Variants in GFPT2 observed in about 807,000 individuals in gnomAD.
GFPT2 encodes the protein glutamine--fructose-6-phosphate aminotransferase [isomerizing] 2.
A neutral mutation model predicts 85.6 loss-of-function variants in GFPT2; 62 were observed. That is an observed-to-expected ratio of 0.72 (90% CI 0.59 to 0.90). The LOEUF (loss-of-function observed/expected upper bound fraction) is 0.90. Among genes scored for constraint, GFPT2 ranks in the 40% least tolerant of loss-of-function variants. GFPT2 has a pLI of 0.00. For missense variants in GFPT2, 788 were observed against 893.4 expected (o/e 0.88, Z 1.50); for synonymous variants, 368 against 344.5 (o/e 1.07, Z -0.75).
chr5:180,306,726 C>T (rs903548248), intron 16 of GFPT2, among the ~76,000 whole-genome samples: 1 of 152,182 alleles, frequency 6.6e-6, no homozygotes, highest in African/African-American at 2.4e-5. Context: ...TGGAAAAAAG[C>T]GAAGGCCCCA....
rs1284983675 is a variant in GFPT2 at position 180,330,862 on chromosome 5, G to C, written c.400-28C>G. ...GGAATATGCAGTCGGCACAGTGTGA[G>C]AGATTGGTCATTGCACAATGCCTGC... On this transcript the variant is annotated intron_variant, in intron 5 of 18. Coordinates refer to ENST00000253778, the MANE Select transcript of GFPT2 (RefSeq NM_005110.4). The surrounding 1 kb of genome is among the most constrained non-coding windows in gnomAD (Gnocchi z 4.4). 6.2e-7 allele frequency: 1 copy of C among 1,611,146 alleles called. No homozygotes were observed. Among genetic ancestry groups the C allele is most frequent in the Admixed American group, 1.7e-5 (1 of 59,918 alleles).
At position 180,313,874 on chromosome 5, in the gene GFPT2, A is replaced by T. The variant is rs1314357606; in HGVS notation, c.1364T>A (p.Ile455Asn). 1 of 1,605,656 alleles carries T rather than the reference A, an allele frequency of 6.2e-7. No individual in the cohort carries two copies. Among genetic ancestry groups the T allele is most frequent in the African/African-American group, 1.3e-5 (1 of 74,892 alleles). ...GACGCCGCAGTCGGTCTCGCGAGAG[A>T]TGGAGCTGCCCACGGTGTTGGTGAC... ...VGVTNTVGSS[I>N]SRETDCGVHI... The change falls in exon 14 of 19, where the codon ATC (isoleucine) becomes AAC (asparagine). Residue 455 changes from isoleucine (I) to asparagine (N), a missense_variant. Coordinates refer to ENST00000253778, the MANE Select transcript of GFPT2 (RefSeq NM_005110.4).
At chr5:180,309,162 G>A (rs180926656) in intron 15 of GFPT2, among the ~76,000 whole-genome samples, 2 of 151,818 alleles carry the variant, frequency 1.3e-5, no homozygotes, top group East Asian at 3.9e-4. Context: ...ATCAGCCACC[G>A]TGCCCGGCCC....
rs867798294 is a variant in GFPT2 at position 180,312,121 on chromosome 5, G to A, written c.1546+309C>T. ...AGGCTGAGGACCAGGGAGGCAGGGA[G>A]GCGGGGAGGCTGAGGACCAGGGAGG... On this transcript the variant is annotated intron_variant, in intron 15 of 18. Coordinates refer to ENST00000253778, the MANE Select transcript of GFPT2 (RefSeq NM_005110.4). Among the ~76,000 whole-genome samples the A allele has an allele frequency of 1.5e-3, 178 of 115,494 alleles. 28 individuals carry two copies. The highest frequency in any genetic ancestry group is 9.0e-3 in the Middle Eastern group (2 of 222). 75.8% of individuals were successfully genotyped at this position (115,494 alleles called of 152,430 possible).
intron 7 of GFPT2, among the ~76,000 whole-genome samples, chr5:180,327,975 T>G: frequency 6.6e-6 from 1 of 152,196 alleles, no homozygotes; most frequent in East Asian, 1.9e-4. Context: ...AAAACCTGGA[T>G]CTGCCCTGTC....
Position 180,328,293 on chromosome 5 carries a change from C to T in GFPT2, c.580G>A (p.Glu194Lys), listed in dbSNP as rs1190744178. Residue 194 changes from glutamate to lysine, a missense_variant, in exon 7 of 19, where the codon GAA becomes AAA. Physicochemically the swap from Glu to Lys is moderately conservative, Grantham distance 56 (BLOSUM62 1). Coordinates refer to ENST00000253778, the MANE Select transcript of GFPT2 (RefSeq NM_005110.4). The surrounding 1 kb of genome is among the most constrained non-coding windows in gnomAD (Gnocchi z 5.4). ...TTGCCTCACCGTGTGGCAACGGCTT[C>T]TCCTGGGTAGTGGACACTCTTGAAA... The part of the protein sequence containing the change: ...LVFKSVHYPG[E>K]AVATRRGSPL... 1 of 1,612,828 alleles carries T rather than the reference C, an allele frequency of 6.2e-7. No homozygotes were observed. The highest frequency in any genetic ancestry group is 8.5e-7 in the Non-Finnish European group (1 of 1,178,814).
At position 180,328,239 on chromosome 5, in the gene GFPT2, T is replaced by C. The variant is rs752720577; in HGVS notation, c.596+38A>G. On this transcript the variant is annotated intron_variant, in intron 7 of 18. Coordinates refer to ENST00000253778, the MANE Select transcript of GFPT2 (RefSeq NM_005110.4). The surrounding 1 kb of genome is among the most constrained non-coding windows in gnomAD (Gnocchi z 5.4). ...CTCCAGCTAAGTGATTTTATTTTCG[T>C]TCTTTCTTATGGGAAATGCCAGTGT... 4 of 1,502,916 alleles carry C rather than the reference T, an allele frequency of 2.7e-6. No individual in the cohort carries two copies. Among genetic ancestry groups the C allele is most frequent in the Non-Finnish European group, 3.7e-6 (4 of 1,078,396 alleles). 93.1% of individuals were successfully genotyped at this position (1,502,916 alleles called of 1,614,324 possible).
chr5:180,330,635 T>G lies in GFPT2; in HGVS notation c.534+65A>C. On this transcript the variant is annotated intron_variant, in intron 6 of 18. Transcript: ENST00000253778. The surrounding 1 kb of genome is among the most constrained non-coding windows in gnomAD (Gnocchi z 4.4). ...TGAAGGATTCCTTGGCACTTGCTGC[T>G]TGAAAAAAATGTTTTTAATGAAAGA... 2.2e-6 allele frequency: 3 copies of G among 1,391,020 alleles called. No homozygotes were observed. The highest frequency in any genetic ancestry group is 3.0e-6 in the Non-Finnish European group (3 of 988,850). 86.2% of individuals were successfully genotyped at this position (1,391,020 alleles called of 1,614,324 possible).
In GFPT2 at chr5:180,318,250, G is replaced by A. The variant is rs1012564232; in HGVS notation, c.958+543C>T. Among the ~76,000 whole-genome samples the A allele has an allele frequency of 3.9e-5, 6 of 152,274 alleles. No homozygotes were observed. The highest frequency in any genetic ancestry group is 1.4e-4 in the African/African-American group (6 of 41,560). On this transcript the variant is annotated intron_variant, in intron 10 of 18. Coordinates refer to ENST00000253778, the MANE Select transcript of GFPT2 (RefSeq NM_005110.4). This position sits in a 1 kb window ranked among gnomAD's most constrained non-coding sequence, Gnocchi z 4.2. ...CACTGGGGTGTGGGGTTTGTGGGCT[G>A]TGGCAGGGAGTTTGGATTTTATTCT...
intron 1 of GFPT2, among the ~76,000 whole-genome samples, chr5:180,341,435 G>T (rs898446683): frequency 6.6e-6 from 1 of 152,154 alleles, no homozygotes; most frequent in Non-Finnish European, 1.5e-5. Context: ...TCAATGAAAT[G>T]AATGTTATAT....
intron 9 of GFPT2, among the ~76,000 whole-genome samples, chr5:180,321,979 G>A (rs930670009): frequency 2.6e-5 from 4 of 151,534 alleles, no homozygotes; most frequent in African/African-American, 7.3e-5. Context: ...AGTAGAAACC[G>A]GGTTTCACCG....
Position 180,316,750 on chromosome 5 carries a change from T to G in GFPT2, c.1152+14A>C. ...ACTGCCGTCGACTTCCCCACGCACA[T>G]GTGTCACACTTACAGCCACGGCAGC... is the stretch of plus-strand genomic sequence containing the variant. On this transcript the variant is annotated intron_variant, in intron 12 of 18. Transcript: ENST00000253778. 1.3e-6 allele frequency: 2 copies of G among 1,576,246 alleles called. No individual in the cohort carries two copies. Among genetic ancestry groups the G allele is most frequent in the Middle Eastern group, 1.7e-4 (1 of 5,950 alleles).
intron 15 of GFPT2, among the ~76,000 whole-genome samples, chr5:180,310,735 T>C (rs1440906254): frequency 7.1e-6 from 1 of 141,274 alleles, no homozygotes; most frequent in African/African-American, 2.6e-5. Flanking sequence ...TAAGGGAAAC[T>C]GGGTGTGTGC....
intron 1 of GFPT2, among the ~76,000 whole-genome samples, chr5:180,350,570 C>A (rs889239436): frequency 6.6e-6 from 1 of 152,154 alleles, no homozygotes; most frequent in Non-Finnish European, 1.5e-5. Flanking sequence ...ATCTTCGAGT[C>A]CCCCAGGGCC....
chr5:180,301,310 G>T lies in GFPT2; in HGVS notation c.*254C>A, dbSNP rs374880930. 4 of 565,068 alleles carry T rather than the reference G, an allele frequency of 7.1e-6. No homozygotes were observed. The African/African-American group carries it at 7.5e-5, about 11-fold the overall frequency. The allele number at this position is 565,068 out of a possible 1,614,324, so 35.0% of individuals were successfully genotyped here. The stretch of plus-strand genomic sequence containing the variant: ...AAGAGAGCTGTATCTCTATTGCACA[G>T]TAGTGGAGAAGTCTGCTCTGATCCC... On this transcript the variant is annotated 3_prime_UTR_variant, in exon 19 of 19. Transcript: ENST00000253778.
intron 13 of GFPT2, among the ~76,000 whole-genome samples, chr5:180,314,334 T>C (rs1002095569): frequency 6.6e-6 from 1 of 152,154 alleles, no homozygotes; most frequent in Non-Finnish European, 1.5e-5. Flanking sequence ...TAAGCTGCCT[T>C]ATTCAGAACG....
At chr5:180,321,028 C>T (rs903128621) in intron 9 of GFPT2, among the ~76,000 whole-genome samples, 6 of 152,072 alleles carry the variant, frequency 3.9e-5, no homozygotes, top group East Asian at 1.9e-4. Flanking sequence ...CAAATAACTT[C>T]GTATGCTTTG....
chr5:180,301,675 A>C (rs1763675202), intron 18 of GFPT2, 67 bp from the exon 19 acceptor site: 3 of 1,292,808 alleles, frequency 2.3e-6, no homozygotes, highest in African/African-American at 1.5e-5. Flanking sequence ...TCTCACAGAC[A>C]ATTTTCAGAG....
Position 180,304,857 on chromosome 5 carries a change from TTG to T in GFPT2, c.1755_1756del (p.Asp585GlufsTer42). ...AATGACCATGATGACGGGCATCTGCTTGTCAATCAGTGCCAGGGGCCCGTGCT... is the reference window on the plus strand; with the variant it reads ...AATGACCATGATGACGGGCATCTGCTTCAATCAGTGCCAGGGGCCCGTGCT... On this transcript the variant is annotated frameshift_variant, in exon 17 of 19. Transcript: ENST00000253778. LOFTEE classifies it high-confidence loss of function. 1 of 1,613,350 alleles carries T rather than the reference TTG, an allele frequency of 6.2e-7. No individual in the cohort carries two copies. The highest frequency in any genetic ancestry group is 8.5e-7 in the Non-Finnish European group (1 of 1,179,234).
Sources: allele counts gnomAD v4.1 joint callset (sites outside exome capture counted in the v4.1 genomes callset), GRCh38; gene constraint gnomAD v4.1.1; non-coding constraint Gnocchi (gnomAD v3.1); transcripts MANE v1.5; gene names NCBI Gene and HGNC (gene_info 2026-07-23, HGNC 2026-07-21).